SLC20A2: variants seen among roughly 807,000 people sequenced by gnomAD.
The protein encoded by SLC20A2 is sodium-dependent phosphate transporter 2.
SLC20A2 carries 30 observed loss-of-function variants against 61.0 expected under a neutral mutation model. The ratio of observed to expected loss-of-function variants is 0.49; its 90% CI spans 0.37 to 0.67. SLC20A2 has a LOEUF of 0.67. Ranked by LOEUF, SLC20A2 falls within the 30% of genes least tolerant of loss-of-function variation. The pLI, the probability that SLC20A2 is intolerant of heterozygous loss-of-function variation, is 0.00. For synonymous variants in SLC20A2, 351 were observed against 353.3 expected (o/e 0.99, Z 0.07); for missense variants, 626 against 866.4 (o/e 0.72, Z 3.48).
intron 6 of SLC20A2, among the ~76,000 whole-genome samples, chr8:42,440,393 C>T (rs746725104): frequency 6.6e-6 from 1 of 152,016 alleles, no homozygotes; most frequent in Admixed American, 6.6e-5. Flanking sequence ...ATAAAATATG[C>T]GATTTTTGAG....
At chr8:42,461,050 T>C (rs1187416234) in intron 4 of SLC20A2, among the ~76,000 whole-genome samples, 1 of 152,168 alleles carries the variant, frequency 6.6e-6, no homozygotes, top group Non-Finnish European at 1.5e-5. Flanking sequence ...CAAGGAGCTG[T>C]TCTGGAATGT....
intron 1 of SLC20A2, among the ~76,000 whole-genome samples, chr8:42,478,214 T>TTC (rs1299933009): frequency 2.1e-5 from 3 of 141,318 alleles, no homozygotes; most frequent in Middle Eastern, 3.2e-3. Flanking sequence ...TTCCTTTTCT[T>TTC]TTTTTTTTTT....
chr8:42,455,269 G>C (rs867691288), intron 5 of SLC20A2, among the ~76,000 whole-genome samples: 1 of 136,558 alleles, frequency 7.3e-6, no homozygotes, highest in Non-Finnish European at 1.6e-5. Flanking sequence ...GAGAGAGAGA[G>C]AGAGAGAGAG....
At chr8:42,528,770 G>A (rs889291775) in intron 1 of SLC20A2, among the ~76,000 whole-genome samples, 2 of 151,342 alleles carry the variant, frequency 1.3e-5, no homozygotes, top group South Asian at 2.1e-4. Context: ...GGGTTCAAGC[G>A]ATTCTCCTGC....
At chr8:42,528,905 G>A (rs1255675842) in intron 1 of SLC20A2, among the ~76,000 whole-genome samples, 1 of 151,936 alleles carries the variant, frequency 6.6e-6, no homozygotes, top group Non-Finnish European at 1.5e-5. Context: ...GATCTCGGGT[G>A]ATCCCCCCGC....
intron 1 of SLC20A2, among the ~76,000 whole-genome samples, chr8:42,487,176 CTTTTT>C (rs553949254): frequency 1.0e-5 from 1 of 98,080 alleles, no homozygotes; most frequent in Non-Finnish European, 2.0e-5. Flanking sequence ...TGGTTTCTTT[CTTTTT>C]TTTTTTTTTT....
chr8:42,429,920 G>A (rs1803716799), intron 9 of SLC20A2, 144 bp downstream of exon 9: 1 of 610,024 alleles, frequency 1.6e-6, no homozygotes, highest in South Asian at 2.7e-5. Flanking sequence ...TGCTAGGTGG[G>A]GCCATTCTTG....
At chr8:42,421,686 C>A (rs986220868) in intron 10 of SLC20A2, among the ~76,000 whole-genome samples, 7 of 152,084 alleles carry the variant, frequency 4.6e-5, no homozygotes, top group African/African-American at 1.7e-4. Flanking sequence ...CACCTGTAAT[C>A]CCAGCTACTC....
intron 1 of SLC20A2, among the ~76,000 whole-genome samples, chr8:42,528,639 C>A (rs1243545745): frequency 6.6e-6 from 1 of 151,932 alleles, no homozygotes; most frequent in Non-Finnish European, 1.5e-5. Context: ...TGGGTAATTC[C>A]ATCATATCCT....
intron 1 of SLC20A2, among the ~76,000 whole-genome samples, chr8:42,533,501 A>G (rs1258440016): frequency 6.6e-6 from 1 of 151,958 alleles, no homozygotes; most frequent in African/African-American, 2.4e-5. Context: ...CTGTGATCCC[A>G]GCTACTCGGG....
intron 10 of SLC20A2, among the ~76,000 whole-genome samples, chr8:42,426,913 G>A (rs1024202137): frequency 2.0e-5 from 3 of 152,182 alleles, no homozygotes; most frequent in Admixed American, 6.5e-5. Context: ...TCTCCTCCAC[G>A]CTCCACACAC....
intron 4 of SLC20A2, among the ~76,000 whole-genome samples, chr8:42,461,341 G>T (rs1050999814): frequency 6.6e-6 from 1 of 152,106 alleles, no homozygotes; most frequent in African/African-American, 2.4e-5. Context: ...CGTTTCCATG[G>T]CATTGTTTTC....
At chr8:42,483,367 G>T (rs1372981487) in intron 1 of SLC20A2, among the ~76,000 whole-genome samples, 2 of 152,176 alleles carry the variant, frequency 1.3e-5, no homozygotes, top group Non-Finnish European at 2.9e-5. Flanking sequence ...GCAAAACTCC[G>T]TCTTAAAAAC....
At chr8:42,531,078 T>C (rs1812288656) in intron 1 of SLC20A2, among the ~76,000 whole-genome samples, 1 of 152,196 alleles carries the variant, frequency 6.6e-6, no homozygotes, top group Non-Finnish European at 1.5e-5. Flanking sequence ...TATTTTAGCA[T>C]CTGCCACACT....
intron 1 of SLC20A2, among the ~76,000 whole-genome samples, chr8:42,533,490 C>T (rs1212719831): frequency 6.6e-6 from 1 of 151,856 alleles, no homozygotes; most frequent in East Asian, 1.9e-4. Flanking sequence ...GTGGCGCATG[C>T]CTGTGATCCC....
chr8:42,492,128 G>A (rs1315669099), intron 1 of SLC20A2, among the ~76,000 whole-genome samples: 2 of 152,176 alleles, frequency 1.3e-5, no homozygotes, highest in African/African-American at 4.8e-5. Context: ...AGGCCGAGGT[G>A]GGTGGATCAC....
intron 1 of SLC20A2, among the ~76,000 whole-genome samples, chr8:42,491,574 G>A (rs1180066287): frequency 2.6e-5 from 4 of 151,968 alleles, no homozygotes; most frequent in Non-Finnish European, 5.9e-5. Context: ...GGGAGGCTGA[G>A]GCAAGAGAAT....
intron 5 of SLC20A2, among the ~76,000 whole-genome samples, chr8:42,459,434 C>T (rs955177514): frequency 9.9e-5 from 15 of 151,952 alleles, no homozygotes; most frequent in Admixed American, 2.6e-4. Flanking sequence ...TTTAGAGCTC[C>T]GCTGGGCATT....
rs182596036 is a variant in SLC20A2, at chr8:42,464,009, C to T, written c.431-919G>A. On this transcript the variant is annotated intron_variant, in intron 3 of 10. Coordinates refer to ENST00000520262, the MANE Select transcript of SLC20A2 (RefSeq NM_001257180.2). ...ACACCTGATAATGGGTGCAGGCTTA[C>T]GTCTTGGTCCCTGCCAGGCAGGCTT... 4.7e-5 allele frequency among the ~76,000 whole-genome samples: 7 copies of T among 149,488 alleles called. No homozygotes were observed. In the East Asian group the frequency reaches 1.0e-3, roughly 21 times the overall value.
Sources: gnomAD v4.1 joint callset for allele counts (sites outside exome capture counted in the v4.1 genomes callset) on GRCh38, gnomAD v4.1.1 for gene constraint, MANE v1.5 for transcripts, NCBI Gene and HGNC (gene_info 2026-07-23, HGNC 2026-07-21) for gene names.